Variants in AVEN observed in about 807,000 individuals in gnomAD.
The protein encoded by AVEN is cell death regulator Aven.
In AVEN, 41 loss-of-function variants were observed where a neutral mutation model predicts 38.1. That is an observed-to-expected ratio of 1.08 (90% confidence interval 0.84 to 1.40). The LOEUF is 1.40. Among genes scored for constraint, AVEN ranks in the 40% most tolerant of loss-of-function variants. The pLI is 0.00. For synonymous variants in AVEN, 206 were observed against 171.8 expected (o/e 1.20, Z -1.56); for missense variants, 605 against 438.8 (o/e 1.38, Z -3.38).
chr15:34,040,187 C>T (rs921471310), upstream of AVEN, among the ~76,000 whole-genome samples: 3 of 152,132 alleles, frequency 2.0e-5, no homozygotes, highest in Admixed American at 6.5e-5. Context: ...AAAACCTTGC[C>T]CCTGCCCTCA....
At chr15:34,008,971 CACACAG>C (rs1398942745) in intron 1 of AVEN, among the ~76,000 whole-genome samples, 17 of 151,794 alleles carry the variant, frequency 1.1e-4, no homozygotes, top group Non-Finnish European at 1.5e-4. Flanking sequence ...CACACACACA[CACACAG>C]ACCATCGAGA....
rs1163249473 is a variant in AVEN, at chr15:33,904,497, T to C, written c.446-28502A>G. Reference sequence around the variant, plus strand: ...TATGATCTCAGGTCACTGCAACCTCTGCCTCCCGGGTTCAAACGATTCTCC... The same window carrying C: ...TATGATCTCAGGTCACTGCAACCTCCGCCTCCCGGGTTCAAACGATTCTCC... On this transcript the variant is annotated intron_variant, in intron 2 of 5. Coordinates refer to ENST00000306730, the MANE Select transcript of AVEN (RefSeq NM_020371.3). Among the ~76,000 whole-genome samples the C allele has an allele frequency of 3.9e-5, 6 of 152,094 alleles. No individual in the cohort carries two copies. In the East Asian group the frequency reaches 9.7e-4, roughly 25 times the overall value.
chr15:33,898,655 C>T lies in AVEN; in HGVS notation c.446-22660G>A, dbSNP rs140527862. ...CCCTCATCTTGTGTGACCTCATCTT[C>T]ACTTGATCACATTTGCCAAGACCAT... is the stretch of plus-strand genomic sequence containing the variant. On this transcript the variant is annotated intron_variant, in intron 2 of 5. Coordinates refer to ENST00000306730, the MANE Select transcript of AVEN (RefSeq NM_020371.3). 2.8e-3 allele frequency among the ~76,000 whole-genome samples: 427 copies of T among 152,336 alleles called. 1 individual carries two copies. Among genetic ancestry groups the T allele is most frequent in the South Asian group, 5.6e-3 (27 of 4,828 alleles).
chr15:34,032,017 G>GCA (rs1555518600), intron 1 of AVEN, among the ~76,000 whole-genome samples: 238 of 84,966 alleles, frequency 2.8e-3, no homozygotes, highest in African/African-American at 6.7e-3. Context: ...ACATACGCGC[G>GCA]CACACGCACA....
At chr15:34,038,738 C>T in intron 1 of AVEN, 42 bp downstream of exon 1, 1 of 1,140,848 alleles carries the variant, frequency 8.8e-7, no homozygotes, top group Non-Finnish European at 1.1e-6. Flanking sequence ...CCACTTGCCC[C>T]AGTTACACGC....
chr15:33,995,941 G>A (rs1896914876), intron 2 of AVEN, among the ~76,000 whole-genome samples: 1 of 152,232 alleles, frequency 6.6e-6, no homozygotes, highest in African/African-American at 2.4e-5. Flanking sequence ...GGGAAGCCAT[G>A]ACAGACTGTA....
intron 11 of AVEN, chr15:33,859,475 G>A (rs2080104183): frequency 1.1e-5 from 15 of 1,370,348 alleles, no homozygotes; most frequent in Non-Finnish European, 1.5e-5. Context: ...TCGTGGCTTA[G>A]GGCTGCCACA....
At chr15:34,017,328 A>G (rs1897962428) in intron 1 of AVEN, among the ~76,000 whole-genome samples, 1 of 152,160 alleles carries the variant, frequency 6.6e-6, no homozygotes, top group East Asian at 1.9e-4. Flanking sequence ...TCCCTGTTCC[A>G]TAAAGTTAAG....
rs568337659 is a variant in AVEN, at chr15:34,037,118, A to T, written c.267+1662T>A. Reference sequence around the variant, plus strand: ...GAGTAAAACTCCGTCTCAAAAAAAAAAAAAAAATATATACCATCATTTCAC... The same window carrying T: ...GAGTAAAACTCCGTCTCAAAAAAAATAAAAAAATATATACCATCATTTCAC... On this transcript the variant is annotated intron_variant, in intron 1 of 5. Transcript: ENST00000306730. Among the ~76,000 whole-genome samples, 275 of 151,364 alleles carry T rather than the reference A, an allele frequency of 1.8e-3. 1 individual carries two copies. The highest frequency in any genetic ancestry group is 9.9e-3 in the East Asian group (51 of 5,168).
intron 1 of AVEN, among the ~76,000 whole-genome samples, chr15:34,071,055 A>G (rs968197112): frequency 9.2e-5 from 14 of 152,272 alleles, no homozygotes; most frequent in Admixed American, 9.2e-4. Context: ...AACAAACCTC[A>G]TCCCACCCAC....
chr15:34,057,062 T>C (rs1900180620), intron 5 of AVEN, among the ~76,000 whole-genome samples: 2 of 152,180 alleles, frequency 1.3e-5, no homozygotes, highest in Admixed American at 1.3e-4. Context: ...GTGAAAATAT[T>C]GCCTTATTAT....
intron 2 of AVEN, among the ~76,000 whole-genome samples, chr15:33,915,052 A>C (rs1893073626): frequency 6.6e-6 from 1 of 152,144 alleles, no homozygotes. Context: ...ACATGTCACA[A>C]ATATACAGCA....
At chr15:33,894,290 G>A (rs913371390) in intron 2 of AVEN, among the ~76,000 whole-genome samples, 4 of 151,918 alleles carry the variant, frequency 2.6e-5, no homozygotes, top group African/African-American at 9.7e-5. Flanking sequence ...CACCAAAAGT[G>A]CAGAACCAGG....
intron 2 of AVEN, among the ~76,000 whole-genome samples, chr15:33,925,502 G>A (rs755653975): frequency 3.9e-5 from 6 of 152,290 alleles, no homozygotes; most frequent in South Asian, 4.2e-4. Flanking sequence ...CAGTCACTGC[G>A]GTGACAGCAC....
intron 2 of AVEN, among the ~76,000 whole-genome samples, chr15:33,930,378 TTAAC>T (rs146675361): frequency 0.014 from 2,105 of 152,150 alleles, 57 homozygotes; most frequent in African/African-American, 0.048. Context: ...AGAGAGTTTA[TTAAC>T]TAACTACTAA....
chr15:33,933,378 T>A (rs1463893437), intron 2 of AVEN, among the ~76,000 whole-genome samples: 1 of 152,082 alleles, frequency 6.6e-6, no homozygotes, highest in Middle Eastern at 3.4e-3. Flanking sequence ...CATATGGAGA[T>A]GGAGAGAAAT....
chr15:34,019,293 G>T (rs1183130710), intron 1 of AVEN, among the ~76,000 whole-genome samples: 1 of 152,126 alleles, frequency 6.6e-6, no homozygotes, highest in Non-Finnish European at 1.5e-5. Context: ...TTTTAAAATA[G>T]AAAACAAAAG....
intron 2 of AVEN, among the ~76,000 whole-genome samples, chr15:33,902,667 T>G (rs1210901992): frequency 6.6e-6 from 1 of 152,122 alleles, no homozygotes; most frequent in Admixed American, 6.5e-5. Flanking sequence ...ACCCCAAAGA[T>G]TCCACATAGT....
intron 2 of AVEN, among the ~76,000 whole-genome samples, chr15:33,978,921 G>C (rs868669344): frequency 1.3e-4 from 10 of 79,120 alleles, no homozygotes; most frequent in Admixed American, 1.3e-3. Context: ...AGAGATGTAT[G>C]TCCATGCCAG....
Sources: allele counts gnomAD v4.1 joint callset (sites outside exome capture counted in the v4.1 genomes callset), GRCh38; gene constraint gnomAD v4.1.1; transcripts MANE v1.5; gene names NCBI Gene and HGNC (gene_info 2026-07-23, HGNC 2026-07-21).